TET3: variants seen among roughly 807,000 people sequenced by gnomAD.
The protein encoded by TET3 is tet methylcytosine dioxygenase 3.
Under a neutral mutation model 141.4 loss-of-function variants are expected in TET3, and 19 were observed. That is an observed-to-expected ratio of 0.13 (90% confidence interval 0.09 to 0.20). The LOEUF is 0.20. Among genes scored for constraint, TET3 ranks in the 10% least tolerant of loss-of-function variants. TET3 has a pLI of 1.00. For synonymous variants in TET3, 1,043 were observed against 980.9 expected (o/e 1.06, Z -1.18); for missense variants, 1,874 against 2,356.9 (o/e 0.80, Z 4.24).
At chr2:74,042,987 C>T (rs1343219622) in intron 3 of TET3, among the ~76,000 whole-genome samples, 1 of 152,210 alleles carries the variant, frequency 6.6e-6, no homozygotes, top group Non-Finnish European at 1.5e-5. Flanking sequence ...CAAGAGCCAT[C>T]CTAGCCCTTC....
At chr2:73,991,268 G>A (rs1433351341) in intron 2 of TET3, among the ~76,000 whole-genome samples, 1 of 151,974 alleles carries the variant, frequency 6.6e-6, no homozygotes, top group East Asian at 1.9e-4. Context: ...AAATTAGCTG[G>A]AGGGATAGAA....
chr2:74,101,081 C>T lies in TET3; in HGVS notation c.4293C>T (p.Pro1431=), dbSNP rs1182936381. The part of the protein sequence containing the change: ...PLSEVSQNGG[P]SHLWGQYSGG... ...CCGAGGTGTCTCAGAATGGAGGACC[C>T]AGTCACCTTTGGGGACAGTACTCAG... The change falls in exon 12 of 12, where the codon CCC becomes CCT. Residue 1431 remains proline, a synonymous_variant. Transcript: ENST00000409262. The surrounding 1 kb of genome is among the most constrained non-coding windows in gnomAD (Gnocchi z 8.5). 3 of 1,612,562 alleles carry T rather than the reference C, an allele frequency of 1.9e-6. No individual in the cohort carries two copies. Among genetic ancestry groups the T allele is most frequent in the Non-Finnish European group, 2.5e-6 (3 of 1,179,310 alleles).
intron 4 of TET3, among the ~76,000 whole-genome samples, chr2:74,057,983 T>G (rs60800561): frequency 0.013 from 1,917 of 152,304 alleles, 39 homozygotes; most frequent in African/African-American, 0.043. Flanking sequence ...CAGGAATTGT[T>G]TAAACCGCTG....
At chr2:74,127,809 T>C in the TET3 span, among the ~76,000 whole-genome samples, 6 of 152,064 alleles carry the variant, frequency 3.9e-5, no homozygotes, top group Non-Finnish European at 7.4e-5. Context: ...TTATTTTAAG[T>C]GTGTGCTTCA....
At chr2:74,085,133 C>T (rs557757532) in intron 6 of TET3, among the ~76,000 whole-genome samples, 45 of 148,542 alleles carry the variant, frequency 3.0e-4, no homozygotes, top group Non-Finnish European at 6.1e-4. Flanking sequence ...GTAAATTGTT[C>T]GTATATTTTT....
chr2:74,133,605 T>A, the TET3 span, among the ~76,000 whole-genome samples: 1 of 152,262 alleles, frequency 6.6e-6, no homozygotes, highest in Non-Finnish European at 1.5e-5. Flanking sequence ...CATGGACCTC[T>A]CTGTAGGCTG....
chr2:74,110,705 G>A (rs1466425180), downstream of TET3, among the ~76,000 whole-genome samples: 1 of 152,128 alleles, frequency 6.6e-6, no homozygotes, highest in Non-Finnish European at 1.5e-5. Context: ...CAGGCCCAGG[G>A]AGCCTGCCCA....
chr2:74,036,084 A>G (rs779625234), intron 3 of TET3, among the ~76,000 whole-genome samples: 1 of 152,220 alleles, frequency 6.6e-6, no homozygotes, highest in African/African-American at 2.4e-5. Flanking sequence ...CGCGGTGCTT[A>G]CTATGTACCT....
chr2:74,096,323 A>G (rs548387378), intron 10 of TET3, among the ~76,000 whole-genome samples: 24 of 152,352 alleles, frequency 1.6e-4, no homozygotes, highest in African/African-American at 5.1e-4. Context: ...TGGGTAGGGC[A>G]TGACACCAAA....
intron 2 of TET3, among the ~76,000 whole-genome samples, chr2:73,991,655 T>C (rs1273177631): frequency 2.0e-5 from 3 of 151,962 alleles, no homozygotes; most frequent in Non-Finnish European, 2.9e-5. Flanking sequence ...TCTGATTTAA[T>C]TGATCCAGGG....
Position 74,087,816 on chromosome 2 carries a change from C to G in TET3, c.2680-14C>G. On this transcript the variant is annotated splice_polypyrimidine_tract_variant and intron_variant, in intron 6 of 11. Coordinates refer to ENST00000409262, the MANE Select transcript of TET3 (RefSeq NM_001287491.2). This position sits in a 1 kb window ranked among gnomAD's most constrained non-coding sequence, Gnocchi z 4.3. The stretch of plus-strand genomic sequence containing the variant: ...GTACCTGGCTCCTGCCCCTCACACC[C>G]TGCGTCCCTGCAGGTGATCCGCAGG... The G allele has an allele frequency of 1.3e-6, 2 of 1,542,438 alleles. No individual in the cohort carries two copies. Among genetic ancestry groups the G allele is most frequent in the Non-Finnish European group, 1.8e-6 (2 of 1,141,128 alleles).
chr2:74,094,241 A>C (rs1690674807), intron 10 of TET3, among the ~76,000 whole-genome samples: 2 of 152,184 alleles, frequency 1.3e-5, no homozygotes, highest in Non-Finnish European at 2.9e-5. Context: ...CAAGAGAGTG[A>C]GAGAGCCACT....
At chr2:74,111,310 C>G (rs998441319), downstream of TET3, among the ~76,000 whole-genome samples, 2 of 152,196 alleles carry the variant, frequency 1.3e-5, no homozygotes, top group African/African-American at 4.8e-5. Context: ...AAAGCCATGT[C>G]TAGCCTCATG....
At chr2:74,044,681 C>G (rs1462652761) in intron 3 of TET3, among the ~76,000 whole-genome samples, 1 of 152,166 alleles carries the variant, frequency 6.6e-6, no homozygotes, top group Admixed American at 6.6e-5. Flanking sequence ...TTGCTAGCCT[C>G]AGAAAAGATC....
intron 5 of TET3, among the ~76,000 whole-genome samples, chr2:74,077,867 C>G (rs1573867408): frequency 6.6e-6 from 1 of 152,248 alleles, no homozygotes; most frequent in East Asian, 1.9e-4. Context: ...CTCCACGACA[C>G]ACCAGGGGCC....
chr2:74,000,540 A>T (rs1466970726), intron 2 of TET3, among the ~76,000 whole-genome samples: 1 of 151,882 alleles, frequency 6.6e-6, no homozygotes, highest in Non-Finnish European at 1.5e-5. Flanking sequence ...AGGTCGGGGG[A>T]GGTGCGGAGG....
At position 74,106,344 on chromosome 2, in the gene TET3, G is replaced by GT. The variant is rs950208035; in HGVS notation, c.*4173dup. The GT allele has an allele frequency of 1.3e-5, 2 of 153,034 alleles. No homozygotes were observed. Among genetic ancestry groups the GT allele is most frequent in the African/African-American group, 4.8e-5 (2 of 41,416 alleles). 9.5% of individuals were successfully genotyped at this position (153,034 alleles called of 1,614,324 possible). On this transcript the variant is annotated 3_prime_UTR_variant, in exon 12 of 12. Transcript: ENST00000409262. ...AGGGCGAAGGGTTTTTTGAGTTTTT[G>GT]TTTTTGAGGAAGGGGAGTTGGGTAC...
chr2:74,023,497 C>A (rs973102442), intron 3 of TET3, among the ~76,000 whole-genome samples: 2 of 152,190 alleles, frequency 1.3e-5, no homozygotes, highest in Non-Finnish European at 2.9e-5. Flanking sequence ...CCTCCCTCGG[C>A]CTCCCAAAGT....
chr2:74,078,311 T>C (rs1292622571), intron 5 of TET3, among the ~76,000 whole-genome samples: 1 of 152,222 alleles, frequency 6.6e-6, no homozygotes, highest in Non-Finnish European at 1.5e-5. Flanking sequence ...TATTTTTCAA[T>C]ATTTTCTAAG....
Sources: allele counts gnomAD v4.1 joint callset (sites outside exome capture counted in the v4.1 genomes callset), GRCh38; gene constraint gnomAD v4.1.1; non-coding constraint Gnocchi (gnomAD v3.1); transcripts MANE v1.5; gene names NCBI Gene and HGNC (gene_info 2026-07-23, HGNC 2026-07-21).